The following GPC5 variants were observed in gnomAD, a reference collection of about 807,000 sequenced individuals.
The protein encoded by GPC5 is glypican-5.
In GPC5, 47 loss-of-function variants were observed where a neutral mutation model predicts 53.9. The ratio of observed to expected loss-of-function variants is 0.87; its 90% CI spans 0.69 to 1.11. GPC5 has a LOEUF of 1.11. Ranked by LOEUF, GPC5 falls within the 50% of genes most tolerant of loss-of-function variation. The pLI is 0.00. For synonymous variants in GPC5, 286 were observed against 263.3 expected, an observed-to-expected ratio of 1.09 and a Z score of -0.84; for missense variants, 748 against 713.1, an observed-to-expected ratio of 1.05 and a Z score of -0.56.
chr13:92,173,020 A>G (rs1389042376), intron 7 of GPC5, among the ~76,000 whole-genome samples: 2 of 110,782 alleles, frequency 1.8e-5, no homozygotes. Context: ...GTCTTATTAC[A>G]TGTTATCTGT....
At chr13:92,453,730 AG>A in intron 7 of GPC5, among the ~76,000 whole-genome samples, 1 of 152,234 alleles carries the variant, frequency 6.6e-6, no homozygotes, top group East Asian at 1.9e-4. Context: ...ATGGAAGCAT[AG>A]CATCAGAAAG....
intron 5 of GPC5, among the ~76,000 whole-genome samples, chr13:91,906,208 A>G (rs1318486469): frequency 6.6e-6 from 1 of 151,996 alleles, no homozygotes; most frequent in African/African-American, 2.4e-5. Flanking sequence ...CTTTGTTCAC[A>G]TACCTTTGCC....
At chr13:92,163,460 CAAAAA>C (rs35480023) in intron 7 of GPC5, among the ~76,000 whole-genome samples, 4 of 90,354 alleles carry the variant, frequency 4.4e-5, no homozygotes, top group African/African-American at 1.1e-4. Flanking sequence ...GATTCCATCT[CAAAAA>C]AAAAAAAAAA....
intron 7 of GPC5, among the ~76,000 whole-genome samples, chr13:92,670,630 G>T (rs1277224926): frequency 6.6e-6 from 1 of 152,128 alleles, no homozygotes; most frequent in Non-Finnish European, 1.5e-5. Flanking sequence ...TCCATGTGGG[G>T]ATGTTACTAA....
chr13:91,448,841 C>A lies in GPC5; in HGVS notation c.244C>A (p.Arg82Ser). The change falls in exon 2 of 8, where the codon CGC (arginine) becomes AGC (serine). Residue 82 changes from arginine to serine, a missense_variant. Coordinates refer to ENST00000377067, the MANE Select transcript of GPC5 (RefSeq NM_004466.6). ...GGAGGAGAGATATCAGATTGCGGCT[C>A]GCCAGGATATGCAGCAGTTTCTTCA... Reference protein sequence around the residue: ...KMEERYQIAARQDMQQFLQTS... With the variant: ...KMEERYQIAASQDMQQFLQTS... The A allele has an allele frequency of 6.2e-7, 1 of 1,613,668 alleles. No homozygotes were observed. The highest frequency in any genetic ancestry group is 1.1e-5 in the South Asian group (1 of 91,068).
chr13:92,437,491 AG>A (rs1877356883), intron 7 of GPC5, among the ~76,000 whole-genome samples: 1 of 152,196 alleles, frequency 6.6e-6, no homozygotes, highest in Non-Finnish European at 1.5e-5. Context: ...TACCTTAAGA[AG>A]AAAAAAATAT....
chr13:92,417,757 G>A (rs1876377155), intron 7 of GPC5, among the ~76,000 whole-genome samples: 1 of 152,122 alleles, frequency 6.6e-6, no homozygotes, highest in South Asian at 2.1e-4. Context: ...CTGATGTGGT[G>A]GCATGTGCCT....
At chr13:91,509,676 A>G (rs1885134255) in intron 2 of GPC5, among the ~76,000 whole-genome samples, 1 of 152,038 alleles carries the variant, frequency 6.6e-6, no homozygotes, top group Non-Finnish European at 1.5e-5. Context: ...AACTCTTTCT[A>G]AAGTAACATT....
chr13:92,375,012 CT>C (rs2043682789), intron 7 of GPC5, among the ~76,000 whole-genome samples: 2 of 151,980 alleles, frequency 1.3e-5, no homozygotes, highest in Non-Finnish European at 2.9e-5. Flanking sequence ...GGATATAATA[CT>C]TGAGTTCGTT....
At chr13:92,309,399 T>A (rs1403434873) in intron 7 of GPC5, among the ~76,000 whole-genome samples, 1 of 152,002 alleles carries the variant, frequency 6.6e-6, no homozygotes, top group Non-Finnish European at 1.5e-5. Flanking sequence ...ATATTAAACA[T>A]ATGGATTATT....
intron 7 of GPC5, among the ~76,000 whole-genome samples, chr13:92,612,789 C>T (rs1217836102): frequency 6.6e-6 from 1 of 152,046 alleles, no homozygotes; most frequent in Non-Finnish European, 1.5e-5. Context: ...GGTTATATTA[C>T]AAAAATGATA....
At chr13:92,222,959 A>C (rs1046409584) in intron 7 of GPC5, among the ~76,000 whole-genome samples, 1 of 152,236 alleles carries the variant, frequency 6.6e-6, no homozygotes. Context: ...ATACAAAATT[A>C]AGTTGTTTTA....
intron 6 of GPC5, among the ~76,000 whole-genome samples, chr13:92,121,052 C>T (rs1471382455): frequency 2.6e-5 from 4 of 152,138 alleles, no homozygotes; most frequent in Non-Finnish European, 4.4e-5. Flanking sequence ...ATAGAGATGC[C>T]CACAGCCCCT....
intron 7 of GPC5, among the ~76,000 whole-genome samples, chr13:92,402,246 A>G (rs1476039642): frequency 6.6e-6 from 1 of 152,134 alleles, no homozygotes; most frequent in Non-Finnish European, 1.5e-5. Flanking sequence ...TATTAATAGC[A>G]GCGAGTTTGG....
intron 7 of GPC5, among the ~76,000 whole-genome samples, chr13:92,464,260 C>A (rs942371583): frequency 6.6e-6 from 1 of 152,268 alleles, no homozygotes; most frequent in South Asian, 2.1e-4. Context: ...CTCCACCATA[C>A]ATATGATATG....
intron 2 of GPC5, among the ~76,000 whole-genome samples, chr13:91,567,732 G>A (rs979483050): frequency 1.3e-5 from 2 of 152,178 alleles, no homozygotes; most frequent in Admixed American, 6.5e-5. Context: ...TTCAGCAGGG[G>A]TAACTGCAGT....
intron 7 of GPC5, among the ~76,000 whole-genome samples, chr13:92,571,638 T>C (rs184113106): frequency 1.5e-3 from 232 of 152,160 alleles, no homozygotes; most frequent in Middle Eastern, 0.01. Flanking sequence ...TCATGATCCT[T>C]TTAATTATAT....
chr13:92,178,590 C>T (rs946332017), intron 7 of GPC5, among the ~76,000 whole-genome samples: 3 of 151,900 alleles, frequency 2.0e-5, no homozygotes, highest in African/African-American at 4.8e-5. Flanking sequence ...TATATATCAA[C>T]AGTTGCTAAT....
intron 7 of GPC5, among the ~76,000 whole-genome samples, chr13:92,511,310 G>A (rs1880553743): frequency 6.6e-6 from 1 of 152,134 alleles, no homozygotes; most frequent in South Asian, 2.1e-4. Context: ...TTCTGGGAAA[G>A]TATCTCAAAT....
Sources: gnomAD v4.1 joint callset for allele counts (sites outside exome capture counted in the v4.1 genomes callset) on GRCh38, gnomAD v4.1.1 for gene constraint, MANE v1.5 for transcripts, NCBI Gene and HGNC (gene_info 2026-07-23, HGNC 2026-07-21) for gene names.